Variants in PRKG1 observed in about 807,000 individuals in gnomAD.
The protein encoded by PRKG1 is cGMP-dependent protein kinase 1.
A neutral mutation model predicts 88.1 loss-of-function variants in PRKG1; 35 were observed. The ratio of observed to expected loss-of-function variants is 0.40; its 90% confidence interval spans 0.30 to 0.53. PRKG1 has a LOEUF of 0.53. Ranked by LOEUF, PRKG1 falls within the 20% of genes least tolerant of loss-of-function variation. The probability of loss-of-function intolerance (pLI) is 0.59; values close to 1 mark genes in which losing one functional copy is unlikely to be tolerated. For missense variants in PRKG1, 540 were observed against 839.8 expected (o/e 0.64, Z 4.41); for synonymous variants, 303 against 292.5 (o/e 1.04, Z -0.37).
intron 3 of PRKG1, among the ~76,000 whole-genome samples, chr10:51,595,741 C>A (rs772784042): frequency 3.3e-5 from 5 of 152,214 alleles, no homozygotes; most frequent in Admixed American, 6.6e-5. Context: ...CCAGGTAAAC[C>A]TTTTCTGACC....
intron 3 of PRKG1, among the ~76,000 whole-genome samples, chr10:51,769,320 T>A (rs1838246124): frequency 6.6e-6 from 1 of 152,202 alleles, no homozygotes; most frequent in Non-Finnish European, 1.5e-5. Flanking sequence ...AAGTTTCAGC[T>A]GTCTAGCCTA....
At chr10:52,292,016 G>T (rs980084311) in intron 17 of PRKG1, among the ~76,000 whole-genome samples, 3 of 152,158 alleles carry the variant, frequency 2.0e-5, no homozygotes, top group African/African-American at 7.2e-5. Context: ...ATCCAGTGAT[G>T]ATGAGTATTT....
intron 7 of PRKG1, among the ~76,000 whole-genome samples, chr10:52,112,711 A>C (rs1847592421): frequency 6.6e-6 from 1 of 152,140 alleles, no homozygotes; most frequent in South Asian, 2.1e-4. Context: ...AGTTATCCCT[A>C]AACAGAATTT....
At chr10:51,455,769 G>A (rs1025233479) in intron 2 of PRKG1, among the ~76,000 whole-genome samples, 2 of 152,160 alleles carry the variant, frequency 1.3e-5, no homozygotes, top group Non-Finnish European at 2.9e-5. Flanking sequence ...CATTCAACAA[G>A]TTTCTAGGAA....
At chr10:51,485,495 A>G (rs1307214829) in intron 3 of PRKG1, among the ~76,000 whole-genome samples, 1 of 152,182 alleles carries the variant, frequency 6.6e-6, no homozygotes, top group African/African-American at 2.4e-5. Context: ...CTCACTCAGT[A>G]TATGGATTCT....
intron 3 of PRKG1, among the ~76,000 whole-genome samples, chr10:51,778,804 T>C (rs950625839): frequency 1.3e-5 from 2 of 152,172 alleles, no homozygotes; most frequent in South Asian, 2.1e-4. Context: ...TGTTCCTTGT[T>C]CTTGGGATAG....
intron 4 of PRKG1, among the ~76,000 whole-genome samples, chr10:51,834,126 G>T (rs1356219008): frequency 6.6e-6 from 1 of 151,962 alleles, no homozygotes. Context: ...TTCCCCCTTG[G>T]ATTACTTATT....
chr10:51,985,408 C>CA (rs1259304506), intron 5 of PRKG1, among the ~76,000 whole-genome samples: 2 of 151,942 alleles, frequency 1.3e-5, no homozygotes, highest in African/African-American at 4.8e-5. Context: ...ATTTAAGTGT[C>CA]AAAAAATGTT....
chr10:51,598,497 A>T (rs1283648353), intron 3 of PRKG1, among the ~76,000 whole-genome samples: 1 of 152,198 alleles, frequency 6.6e-6, no homozygotes, highest in Non-Finnish European at 1.5e-5. Context: ...TGGTCAAGTG[A>T]TCCATCTGCC....
At chr10:52,193,623 T>A (rs1239528509) in intron 9 of PRKG1, among the ~76,000 whole-genome samples, 1 of 151,058 alleles carries the variant, frequency 6.6e-6, no homozygotes, top group Non-Finnish European at 1.5e-5. Context: ...GGATTTTTAT[T>A]AACTAGGATC....
chr10:51,122,832 A>ATC (rs1845295829), intron 1 of PRKG1, among the ~76,000 whole-genome samples: 1 of 152,064 alleles, frequency 6.6e-6, no homozygotes, highest in African/African-American at 2.4e-5. Flanking sequence ...AATAGACCAG[A>ATC]TCTGTCTCTC....
chr10:51,861,682 A>G (rs1315526722), intron 4 of PRKG1, among the ~76,000 whole-genome samples: 1 of 152,254 alleles, frequency 6.6e-6, no homozygotes, highest in African/African-American at 2.4e-5. Context: ...TACTTTAAAA[A>G]TAGAAATCTT....
intron 1 of PRKG1, among the ~76,000 whole-genome samples, chr10:51,109,841 A>G (rs989207790): frequency 2.0e-5 from 3 of 152,170 alleles, no homozygotes; most frequent in African/African-American, 7.2e-5. Flanking sequence ...GAAATAAAGT[A>G]TCTGATGAAG....
chr10:51,000,347 C>T (rs115621398), intron 1 of PRKG1, among the ~76,000 whole-genome samples: 1 of 152,174 alleles, frequency 6.6e-6, no homozygotes, highest in African/African-American at 2.4e-5. Flanking sequence ...AATCCACAGA[C>T]AGTCTTGTCT....
chr10:52,068,174 G>C, intron 7 of PRKG1, among the ~76,000 whole-genome samples: 1 of 87,574 alleles, frequency 1.1e-5, no homozygotes, highest in East Asian at 2.9e-4. Context: ...CTGCACTCCA[G>C]CCTGGGCGAC....
chr10:51,476,239 A>C (rs910977188), intron 3 of PRKG1, among the ~76,000 whole-genome samples: 3 of 152,012 alleles, frequency 2.0e-5, no homozygotes, highest in African/African-American at 7.2e-5. Flanking sequence ...ACAGTATTGA[A>C]GGATACAGGC....
At chr10:51,172,511 G>A (rs1837056287) in intron 2 of PRKG1, among the ~76,000 whole-genome samples, 1 of 151,944 alleles carries the variant, frequency 6.6e-6, no homozygotes, top group African/African-American at 2.4e-5. Flanking sequence ...TGAAAGGAAA[G>A]TACCTACTTT....
chr10:52,159,560 A>G (rs1838225206), intron 8 of PRKG1, among the ~76,000 whole-genome samples: 1 of 151,668 alleles, frequency 6.6e-6, no homozygotes. Flanking sequence ...TTTTCCATTT[A>G]TTATATTTTG....
chr10:52,282,106 A>G (rs765744224), intron 13 of PRKG1, 47 bp from the exon 14 acceptor site: 32 of 1,478,720 alleles, frequency 2.2e-5, no homozygotes, highest in Non-Finnish European at 2.8e-5. Flanking sequence ...TTACTTTAAA[A>G]CTTAATCATA....
Sources: gnomAD v4.1 joint callset for allele counts (sites outside exome capture counted in the v4.1 genomes callset) on GRCh38, gnomAD v4.1.1 for gene constraint, MANE v1.5 for transcripts, NCBI Gene and HGNC (gene_info 2026-07-23, HGNC 2026-07-21) for gene names.